ANKRD26: variants seen among roughly 807,000 people sequenced by gnomAD.
ANKRD26 encodes ankyrin repeat domain-containing protein 26.
A neutral mutation model predicts 208.7 loss-of-function variants in ANKRD26; 141 were observed. That is an observed-to-expected ratio of 0.68 (90% confidence interval 0.59 to 0.78). ANKRD26 has a LOEUF of 0.78. Ranked by LOEUF, ANKRD26 falls within the 30% of genes least tolerant of loss-of-function variation. ANKRD26 has a pLI of 0.00. For missense variants in ANKRD26, 1,889 were observed against 1,938.7 expected, an observed-to-expected ratio of 0.97 and a Z score of 0.48; for synonymous variants, 636 against 660.4, an observed-to-expected ratio of 0.96 and a Z score of 0.57.
At chr10:26,961,502 C>T in the ANKRD26 span, among the ~76,000 whole-genome samples, 1 of 152,058 alleles carries the variant, frequency 6.6e-6, no homozygotes, top group African/African-American at 2.4e-5. Flanking sequence ...TGGGACCATC[C>T]TGGGTGAGTT....
At chr10:27,033,596 G>A (rs1156981758) in intron 24 of ANKRD26, among the ~76,000 whole-genome samples, 1 of 152,058 alleles carries the variant, frequency 6.6e-6, no homozygotes, top group Admixed American at 6.5e-5. Context: ...TAGGTATGAC[G>A]TTACTTAAAC....
intron 9 of ANKRD26, among the ~76,000 whole-genome samples, chr10:27,071,864 G>C (rs2055514842): frequency 6.6e-6 from 1 of 152,136 alleles, no homozygotes; most frequent in South Asian, 2.1e-4. Context: ...GGGCACACAA[G>C]AAAAAGCGGC....
chr10:26,962,739 T>C, the ANKRD26 span, among the ~76,000 whole-genome samples: 1 of 151,668 alleles, frequency 6.6e-6, no homozygotes, highest in Non-Finnish European at 1.5e-5. Flanking sequence ...CAGAGCAAAA[T>C]CCTGTCTCTA....
At chr10:27,097,083 G>GCCTC (rs1346509118) in intron 1 of ANKRD26, among the ~76,000 whole-genome samples, 7 of 152,074 alleles carry the variant, frequency 4.6e-5, no homozygotes, top group African/African-American at 1.7e-4. Flanking sequence ...TAGGGAGGCT[G>GCCTC]AGGCAGGAGA....
At chr10:26,990,420 A>G (rs147362644), downstream of ANKRD26, among the ~76,000 whole-genome samples, 345 of 152,292 alleles carry the variant, frequency 2.3e-3, 4 homozygotes, top group African/African-American at 7.8e-3. Context: ...TATCACACCC[A>G]AAGTGTGCTG....
chr10:27,002,206 G>C (rs1210407415), downstream of ANKRD26, among the ~76,000 whole-genome samples: 1 of 152,184 alleles, frequency 6.6e-6, no homozygotes, highest in Non-Finnish European at 1.5e-5. Flanking sequence ...AAAGGGTGCT[G>C]GAGTCCAAGG....
At chr10:26,957,687 CG>C in the ANKRD26 span, among the ~76,000 whole-genome samples, 1 of 152,066 alleles carries the variant, frequency 6.6e-6, no homozygotes, top group Admixed American at 6.5e-5. Flanking sequence ...ACTCTCTGGT[CG>C]TTTGGGGGCT....
In ANKRD26 at chr10:27,037,302, C is replaced by A. The variant is rs766853628; in HGVS notation, c.2581G>T (p.Ala861Ser). 3 of 1,613,672 alleles carry A rather than the reference C, an allele frequency of 1.9e-6. No individual in the cohort carries two copies. Among genetic ancestry groups the A allele is most frequent in the South Asian group, 1.1e-5 (1 of 91,062 alleles). Residue 861 changes from alanine (A) to serine (S), a missense_variant, in exon 23 of 34, where the codon GCT becomes TCT. Transcript: ENST00000376087. ...TGTTCTCGAGAAAGTTGCCTCTGAGCGTCATTTCGCTCTTGAACGACCTAG... is the reference window on the plus strand; with the variant it reads ...TGTTCTCGAGAAAGTTGCCTCTGAGAGTCATTTCGCTCTTGAACGACCTAG... ...LNQVVQERND[A>S]QRQLSREQNA...
chr10:27,061,242 T>C lies in ANKRD26; in HGVS notation c.1364A>G (p.Asp455Gly), dbSNP rs199857139. The change falls in exon 13 of 34, where the codon GAT (aspartate) becomes GGT (glycine). Residue 455 changes from aspartate to glycine, a missense_variant and splice_region_variant. Around this residue, in one of 3 missense-constraint regions of ANKRD26, gnomAD observed 1,272 missense variants for 1,273.8 expected, o/e 1.00. Transcript: ENST00000376087. ...CATGCAAGAAGGTATATAAAACACA[T>C]CTAAGAAATAATACATAATAAGCTT... ...EKNIGNEQAE[D>G]VFYIPSCMSG... 6.4e-5 allele frequency: 100 copies of C among 1,574,330 alleles called. 1 individual carries two copies. The East Asian group carries it at 2.2e-3, about 35-fold the overall frequency.
the ANKRD26 span, among the ~76,000 whole-genome samples, chr10:26,959,718 G>C: frequency 6.6e-6 from 1 of 150,908 alleles, no homozygotes; most frequent in South Asian, 2.1e-4. Context: ...GACCTCAAGA[G>C]ATCTGTCCTC....
chr10:26,972,544 C>G (rs1300630905), downstream of ANKRD26, among the ~76,000 whole-genome samples: 1 of 150,770 alleles, frequency 6.6e-6, no homozygotes, highest in African/African-American at 2.4e-5. Flanking sequence ...AGTAAAACAA[C>G]TATAACCAAC....
In ANKRD26 at chr10:27,064,100, A is replaced by C; in HGVS notation, c.1270-19T>G. The stretch of plus-strand genomic sequence containing the variant: ...AGATACTCTGTTAAAATTAGTATCA[A>C]TAATGAGTTTCAATTTTACAAAAAG... On this transcript the variant is annotated intron_variant, in intron 11 of 33. Coordinates refer to ENST00000376087, the MANE Select transcript of ANKRD26 (RefSeq NM_014915.3). The C allele has an allele frequency of 6.6e-7, 1 of 1,509,732 alleles. No individual in the cohort carries two copies. Among genetic ancestry groups the C allele is most frequent in the Non-Finnish European group, 9.2e-7 (1 of 1,090,578 alleles). 93.5% of individuals were successfully genotyped at this position (1,509,732 alleles called of 1,614,324 possible). A position where few individuals can be genotyped will look rare whatever the true frequency, so the allele number is the denominator to read the frequency against.
chr10:27,049,378 T>C (rs964457693), intron 16 of ANKRD26, among the ~76,000 whole-genome samples: 4 of 152,212 alleles, frequency 2.6e-5, no homozygotes, highest in Non-Finnish European at 4.4e-5. Context: ...TTTTACCACC[T>C]GGATTTTACA....
chr10:27,010,052 C>T (rs1025360413), intron 32 of ANKRD26, among the ~76,000 whole-genome samples: 2 of 152,122 alleles, frequency 1.3e-5, no homozygotes, highest in South Asian at 2.1e-4. Flanking sequence ...GAAGTCACAG[C>T]TTCAGAGCCC....
At position 27,035,394 on chromosome 10, in the gene ANKRD26, T is replaced by G; in HGVS notation, c.3056A>C (p.Asp1019Ala). 6.2e-7 allele frequency: 1 copy of G among 1,613,988 alleles called. No homozygotes were observed. Among genetic ancestry groups the G allele is most frequent in the Non-Finnish European group, 8.5e-7 (1 of 1,179,920 alleles). ...TTTTGATGTCTCACTTTGATCACGA[T>G]CATGTATAGCAGCAGCCAATCTAGA... is the stretch of plus-strand genomic sequence containing the variant. ...YHSRLAAAIH[D>A]RDQSETSKRE... is the part of the protein sequence containing the mutation. The change falls in exon 24 of 34, where the codon GAT becomes GCT. Residue 1019 changes from aspartate (D) to alanine (A), a missense_variant. Around this residue, in one of 3 missense-constraint regions of ANKRD26, gnomAD observed 1,272 missense variants for 1,273.8 expected, o/e 1.00. Transcript: ENST00000376087.
At chr10:26,998,473 G>A (rs1006921428) in intron 4 of ANKRD26, among the ~76,000 whole-genome samples, 81 of 151,594 alleles carry the variant, frequency 5.3e-4, no homozygotes, top group African/African-American at 1.9e-3. Context: ...TCTGACCTCT[G>A]TGATTTTTCT....
the ANKRD26 span, among the ~76,000 whole-genome samples, chr10:26,967,607 G>A: frequency 6.6e-6 from 1 of 151,960 alleles, no homozygotes; most frequent in Non-Finnish European, 1.5e-5. Flanking sequence ...TCCTCCAATG[G>A]TCTACAGACA....
chr10:27,006,776 T>C, intron 33 of ANKRD26, 141 bp downstream of exon 33: 2 of 665,864 alleles, frequency 3.0e-6, no homozygotes, highest in South Asian at 3.7e-5. Context: ...TTCACATCTT[T>C]CATTAGATGT....
At chr10:26,970,383 G>T (rs1177862977), downstream of ANKRD26, among the ~76,000 whole-genome samples, 1 of 152,178 alleles carries the variant, frequency 6.6e-6, no homozygotes, top group Non-Finnish European at 1.5e-5. Context: ...GATCTAGATA[G>T]TGAGTGTCTT....
Sources: allele counts gnomAD v4.1 joint callset (sites outside exome capture counted in the v4.1 genomes callset), GRCh38; gene constraint gnomAD v4.1.1; regional missense constraint gnomAD v4.1.1; transcripts MANE v1.5; gene names NCBI Gene and HGNC (gene_info 2026-07-23, HGNC 2026-07-21).